Variants in RP1 observed in about 807,000 individuals in gnomAD.
RP1 encodes RP1 axonemal microtubule associated.
In RP1, 16 loss-of-function variants were observed where a neutral mutation model predicts 14.8. The ratio of observed to expected loss-of-function variants is 1.08; its 90% confidence interval spans 0.73 to 1.65. The LOEUF is 1.65. Ranked by LOEUF, RP1 falls within the 40% of genes most tolerant of loss-of-function variation. The pLI is 0.00. For missense variants in RP1, 2,631 were observed against 2,535.0 expected, an observed-to-expected ratio of 1.04 and a Z score of -0.81; for synonymous variants, 876 against 883.6, an observed-to-expected ratio of 0.99 and a Z score of 0.15.
rs373200152 is a variant in RP1, at chr8:54,629,924, G to A, written c.6042G>A (p.Gly2014=). 151 of 1,613,806 alleles carry A rather than the reference G, an allele frequency of 9.4e-5. No individual in the cohort carries two copies. Among genetic ancestry groups the A allele is most frequent in the Admixed American group, 1.3e-4 (8 of 59,998 alleles). The change falls in exon 4 of 4, where the codon GGG becomes GGA. Residue 2014 remains glycine (G), a synonymous_variant. Coordinates refer to ENST00000220676, the MANE Select transcript of RP1 (RefSeq NM_006269.2). ...RRKQKRINFL[G]LEEEGNLKKF... ...AACAAAAAAGAATTAACTTCTTGGG[G>A]TTAGAGGAAGAAGGTAATTTAAAGA...
chr8:54,731,409 C>T (rs1450157707), intron 17 of RP1, among the ~76,000 whole-genome samples: 2 of 152,034 alleles, frequency 1.3e-5, no homozygotes, highest in African/African-American at 2.4e-5. Context: ...ATTCTCCTAG[C>T]TTAGAGTATT....
downstream of RP1, among the ~76,000 whole-genome samples, chr8:54,774,787 T>A (rs1439615131): frequency 6.6e-6 from 1 of 152,170 alleles, no homozygotes; most frequent in Non-Finnish European, 1.5e-5. Context: ...TCTTCAAATA[T>A]CCAACAGCCT....
chr8:54,751,151 G>A (rs937257021), intron 19 of RP1, among the ~76,000 whole-genome samples: 2 of 152,182 alleles, frequency 1.3e-5, no homozygotes, highest in Admixed American at 6.5e-5. Flanking sequence ...CGGACACATC[G>A]CCACCCATTC....
downstream of RP1, among the ~76,000 whole-genome samples, chr8:54,773,040 C>T (rs1266409933): frequency 6.6e-6 from 1 of 152,124 alleles, no homozygotes; most frequent in Admixed American, 6.5e-5. Flanking sequence ...CCCAACTTTT[C>T]ACTAAGGGTG....
At chr8:54,590,185 T>A (rs1341359533) in intron 1 of RP1, among the ~76,000 whole-genome samples, 2 of 152,252 alleles carry the variant, frequency 1.3e-5, no homozygotes, top group African/African-American at 4.8e-5. Flanking sequence ...TGTTGAATCA[T>A]TCTGCTAAAC....
intron 1 of RP1, among the ~76,000 whole-genome samples, chr8:54,564,277 G>A (rs1462601869): frequency 6.6e-6 from 1 of 152,156 alleles, no homozygotes; most frequent in African/African-American, 2.4e-5. Context: ...AATTATGGGT[G>A]CCTACCGGGT....
intron 27 of RP1, among the ~76,000 whole-genome samples, chr8:54,862,157 A>C (rs1812355714): frequency 6.6e-6 from 1 of 152,202 alleles, no homozygotes. Flanking sequence ...AAGAAACCTC[A>C]GGTTCTAAGG....
intron 12 of RP1, chr8:54,696,482 A>T: frequency 1.1e-6 from 1 of 892,796 alleles, no homozygotes; most frequent in South Asian, 1.4e-5. Context: ...CCTCGAAGCC[A>T]CCCAGGCAAA....
chr8:54,585,895 C>T (rs7820744), intron 1 of RP1, among the ~76,000 whole-genome samples: 1,831 of 152,234 alleles, frequency 0.012, 28 homozygotes, highest in African/African-American at 0.041. Flanking sequence ...GTTAGCCATT[C>T]GTCTAATTTA....
chr8:54,690,792 G>T (rs1021287576), intron 12 of RP1, among the ~76,000 whole-genome samples: 7 of 151,934 alleles, frequency 4.6e-5, no homozygotes, highest in Non-Finnish European at 8.8e-5. Flanking sequence ...GAGATCTAAC[G>T]TTAGTTTCAA....
chr8:54,828,716 T>C (rs1263396552), intron 24 of RP1, among the ~76,000 whole-genome samples: 4 of 152,106 alleles, frequency 2.6e-5, no homozygotes, highest in Non-Finnish European at 5.9e-5. Context: ...TATACTTTTA[T>C]ATGACTTGCA....
At chr8:54,678,986 C>T (rs1262374919) in intron 9 of RP1, among the ~76,000 whole-genome samples, 2 of 151,800 alleles carry the variant, frequency 1.3e-5, no homozygotes, top group Non-Finnish European at 2.9e-5. Context: ...GATTTGCTTT[C>T]GTGATAGATT....
rs540409269 is a variant in RP1, at chr8:54,733,375, A to G, written c.2522-1170A>G. Among the ~76,000 whole-genome samples the G allele has an allele frequency of 1.8e-3, 279 of 152,296 alleles. 1 individual carries two copies. Among genetic ancestry groups the G allele is most frequent in the Non-Finnish European group, 3.2e-3 (217 of 68,014 alleles). ...ACAATTAAATTGTTCAGTCACTCCC[A>G]CAGAGATTACCCAGAGCTGTTATAC... On this transcript the variant is annotated intron_variant, in intron 17 of 22. Transcript: ENST00000636932.
At chr8:54,728,770 G>C (rs1298760268) in intron 17 of RP1, among the ~76,000 whole-genome samples, 1 of 152,072 alleles carries the variant, frequency 6.6e-6, no homozygotes, top group African/African-American at 2.4e-5. Context: ...AGGGTGGTGG[G>C]GTTGAGGAAG....
chr8:54,714,512 C>T (rs1349660523), intron 15 of RP1, among the ~76,000 whole-genome samples: 1 of 152,134 alleles, frequency 6.6e-6, no homozygotes, highest in East Asian at 1.9e-4. Context: ...AATTATGTGT[C>T]ACCCACCCAG....
chr8:54,592,941 G>A (rs1805072648), intron 1 of RP1, among the ~76,000 whole-genome samples: 1 of 152,180 alleles, frequency 6.6e-6, no homozygotes, highest in Non-Finnish European at 1.5e-5. Context: ...CTTTTGTCAA[G>A]AAAGGGGTCT....
chr8:54,647,647 G>T (rs1223623212), intron 3 of RP1, among the ~76,000 whole-genome samples: 2 of 151,834 alleles, frequency 1.3e-5, no homozygotes, highest in African/African-American at 4.8e-5. Flanking sequence ...ATGTAATCTT[G>T]AGTGTGTTCC....
At chr8:54,728,121 GCC>G (rs1176639932) in intron 17 of RP1, among the ~76,000 whole-genome samples, 13 of 152,054 alleles carry the variant, frequency 8.5e-5, no homozygotes, top group Non-Finnish European at 1.9e-4. Context: ...GTTAAATTTT[GCC>G]TTCTCTGATT....
chr8:54,711,168 T>G (rs775905021), intron 15 of RP1, among the ~76,000 whole-genome samples: 1 of 152,226 alleles, frequency 6.6e-6, no homozygotes, highest in Non-Finnish European at 1.5e-5. Context: ...ACTATGTTTT[T>G]TTAATAGACA....
Sources: gnomAD v4.1 joint callset for allele counts (sites outside exome capture counted in the v4.1 genomes callset) on GRCh38, gnomAD v4.1.1 for gene constraint, MANE v1.5 for transcripts, NCBI Gene and HGNC (gene_info 2026-07-23, HGNC 2026-07-21) for gene names.